Variants in IKZF1 observed in about 807,000 individuals in gnomAD.
IKZF1 encodes the protein IKAROS family zinc finger 1, also known as DNA-binding protein Ikaros.
A neutral mutation model predicts 51.7 loss-of-function variants in IKZF1; 10 were observed. The ratio of observed to expected loss-of-function variants is 0.19; its 90% CI spans 0.12 to 0.33. The LOEUF is 0.33. IKZF1 is among the 10% of genes least tolerant of loss of function. IKZF1 has a pLI of 1.00. For missense variants in IKZF1, 484 were observed against 707.5 expected (o/e 0.68, Z 3.58); for synonymous variants, 280 against 282.3 (o/e 0.99, Z 0.08).
At position 50,400,789 on chromosome 7, in the gene IKZF1, G is replaced by T; in HGVS notation, c.*162G>T. 1 of 915,140 alleles carries T rather than the reference G, an allele frequency of 1.1e-6. No homozygotes were observed. Among genetic ancestry groups the T allele is most frequent in the Non-Finnish European group, 1.6e-6 (1 of 622,866 alleles). 56.7% of individuals were successfully genotyped at this position (915,140 alleles called of 1,614,324 possible). A position where few individuals can be genotyped will look rare whatever the true frequency, so the allele number is the denominator to read the frequency against. ...TTTTTTGTTTGAGTTGGTTGATTGG[G>T]GTTTGATTTGCTTTTGAAAAGATTT... On this transcript the variant is annotated 3_prime_UTR_variant, in exon 8 of 8. Transcript: ENST00000331340. The surrounding 1 kb of genome is among the most constrained non-coding windows in gnomAD (Gnocchi z 5.4).
chr7:50,386,743 A>G (rs1208904407), intron 5 of IKZF1, among the ~76,000 whole-genome samples: 2 of 152,174 alleles, frequency 1.3e-5, no homozygotes, highest in Admixed American at 6.5e-5. Context: ...TTTGTATTAT[A>G]TAATGCAAAT....
intron 3 of IKZF1, among the ~76,000 whole-genome samples, chr7:50,329,316 G>C (rs1795902332): frequency 6.6e-6 from 1 of 151,892 alleles, no homozygotes; most frequent in Admixed American, 6.6e-5. Context: ...AAAGTAGAGG[G>C]GAAGAGAAAT....
intron 1 of IKZF1, among the ~76,000 whole-genome samples, chr7:50,318,207 T>G (rs1408777490): frequency 6.6e-6 from 1 of 152,210 alleles, no homozygotes; most frequent in Non-Finnish European, 1.5e-5. Flanking sequence ...ATGCTGGGGT[T>G]CTCTCCCTGG....
chr7:50,379,148 G>GC (rs1247137335), intron 4 of IKZF1, among the ~76,000 whole-genome samples: 1 of 152,188 alleles, frequency 6.6e-6, no homozygotes, highest in African/African-American at 2.4e-5. Context: ...TTCCTAACAA[G>GC]CTCCCAGCTT....
At chr7:50,368,010 A>G in intron 3 of IKZF1, 1 of 696,570 alleles carries the variant, frequency 1.4e-6, no homozygotes, top group Non-Finnish European at 2.6e-6. Context: ...TTGCAGTTAC[A>G]TATGGGGCTG....
chr7:50,387,216 A>C, intron 5 of IKZF1, 129 bp from the exon 6 acceptor site: 1 of 1,294,120 alleles, frequency 7.7e-7, no homozygotes, highest in Non-Finnish European at 1.0e-6. Flanking sequence ...CCAAGTCCGT[A>C]ACAGTTTTAG....
chr7:50,324,389 G>A (rs1398582228), intron 2 of IKZF1, among the ~76,000 whole-genome samples: 2 of 151,986 alleles, frequency 1.3e-5, no homozygotes. Context: ...GCCCTTGGTG[G>A]GCATGTGAAT....
At position 50,387,589 on chromosome 7, in the gene IKZF1, A is replaced by T. The variant is rs971234587; in HGVS notation, c.715+119A>T. On this transcript the variant is annotated intron_variant, in intron 6 of 7. Transcript: ENST00000331340. The stretch of plus-strand genomic sequence containing the variant: ...CTTGGGCCTGCTTCCTGCCGGGGCT[A>T]GGAGGGAGGGAAGTTTTTGGCCAAT... 49 of 1,380,606 alleles carry T rather than the reference A, an allele frequency of 3.5e-5. No homozygotes were observed. In the South Asian group the frequency reaches 6.9e-4, roughly 20 times the overall value. 85.5% of individuals were successfully genotyped at this position (1,380,606 alleles called of 1,614,324 possible).
chr7:50,337,822 G>T (rs1382969373), intron 3 of IKZF1, among the ~76,000 whole-genome samples: 1 of 152,172 alleles, frequency 6.6e-6, no homozygotes, highest in Non-Finnish European at 1.5e-5. Context: ...TTCTTTGGGT[G>T]AGACTGTCCC....
chr7:50,376,801 C>T lies in IKZF1; in HGVS notation c.421+8C>T. The T allele has an allele frequency of 6.2e-7, 1 of 1,612,582 alleles. No individual in the cohort carries two copies. The highest frequency in any genetic ancestry group is 1.1e-5 in the South Asian group (1 of 91,058). On this transcript the variant is annotated splice_region_variant and intron_variant, in intron 4 of 7. Transcript: ENST00000331340. The surrounding 1 kb of genome is among the most constrained non-coding windows in gnomAD (Gnocchi z 4.5). ...ACAAAAGAAGCCACACTGGTAAGGC[C>T]TGGCTCAGTTTTTCCTTTAGTGGCC...
At chr7:50,350,279 G>C (rs965558602) in intron 3 of IKZF1, among the ~76,000 whole-genome samples, 4 of 152,248 alleles carry the variant, frequency 2.6e-5, no homozygotes, top group Non-Finnish European at 1.5e-5. Context: ...CCCTCTTTGA[G>C]GTGGAGCCCA....
chr7:50,304,963 G>A (rs1788421773), intron 1 of IKZF1, 41 bp downstream of exon 1: 1 of 152,488 alleles, frequency 6.6e-6, no homozygotes, highest in Non-Finnish European at 1.5e-5. Flanking sequence ...AAAACTTGGG[G>A]TAACTGGTGA....
rs752898136 is a variant in IKZF1 at position 50,400,327 on chromosome 7, G to A, written c.1260G>A (p.Pro420=). Residue 420 remains proline, a synonymous_variant, in exon 8 of 8, where the codon CCG becomes CCA. Transcript: ENST00000331340. The surrounding 1 kb of genome is among the most constrained non-coding windows in gnomAD (Gnocchi z 5.4). ...GLIYLTNHIA[P]HARNGLSLKE... ...TCTACCTGACCAACCACATCGCCCC[G>A]CACGCGCGCAACGGGCTGTCGCTCA... 1.9e-6 allele frequency: 3 copies of A among 1,612,816 alleles called. No homozygotes were observed. The highest frequency in any genetic ancestry group is 2.5e-6 in the Non-Finnish European group (3 of 1,179,700).
chr7:50,350,567 T>TA (rs1464887967), intron 3 of IKZF1, among the ~76,000 whole-genome samples: 2 of 152,084 alleles, frequency 1.3e-5, no homozygotes, highest in Non-Finnish European at 2.9e-5. Flanking sequence ...TGAGTGAGGA[T>TA]AAATTGGGTT....
Position 50,404,761 on chromosome 7 carries a change from G to C in IKZF1, c.*4134G>C, listed in dbSNP as rs979107392. 8.3e-5 allele frequency: 19 copies of C among 229,796 alleles called. No individual in the cohort carries two copies. Among genetic ancestry groups the C allele is most frequent in the Non-Finnish European group, 1.6e-4 (18 of 115,960 alleles). The allele number at this position is 229,796 out of a possible 1,614,324, so 14.2% of individuals were successfully genotyped here. On this transcript the variant is annotated 3_prime_UTR_variant, in exon 8 of 8. Coordinates refer to ENST00000331340, the MANE Select transcript of IKZF1 (RefSeq NM_006060.6). ...TGCTTCAGTCATTCTGTGAGTGGCC[G>C]GGCCCAGGGCCCTCACAATTTCACT...
chr7:50,362,533 A>G (rs1805573022), intron 3 of IKZF1, among the ~76,000 whole-genome samples: 1 of 152,238 alleles, frequency 6.6e-6, no homozygotes, highest in Admixed American at 6.5e-5. Flanking sequence ...CTTTGTTGAC[A>G]AGAAGGTAGA....
intron 3 of IKZF1, among the ~76,000 whole-genome samples, chr7:50,351,864 C>T (rs115475674): frequency 0.01 from 1,581 of 152,168 alleles, 31 homozygotes; most frequent in African/African-American, 0.034. Context: ...AACAATTCCC[C>T]CCCGCCCCCA....
chr7:50,377,333 C>T (rs1186382253), intron 4 of IKZF1: 1 of 154,258 alleles, frequency 6.5e-6, no homozygotes, highest in Non-Finnish European at 1.4e-5. Flanking sequence ...TGCCCTCTAA[C>T]AGGAAAGACT....
rs949546651 is a variant in IKZF1 at position 50,327,620 on chromosome 7, C to A, written c.41-18C>A. 1.9e-6 allele frequency: 3 copies of A among 1,600,908 alleles called. No individual in the cohort carries two copies. Among genetic ancestry groups the A allele is most frequent in the African/African-American group, 2.7e-5 (2 of 74,408 alleles). Reference sequence around the variant, plus strand: ...TGACCATGACCGCCCGAGACTCACACTTCTTCTTTCTCATCAGGGAAGGAA... The same window carrying A: ...TGACCATGACCGCCCGAGACTCACAATTCTTCTTTCTCATCAGGGAAGGAA... On this transcript the variant is annotated intron_variant, in intron 2 of 7. Coordinates refer to ENST00000331340, the MANE Select transcript of IKZF1 (RefSeq NM_006060.6).
Sources: allele counts gnomAD v4.1 joint callset (sites outside exome capture counted in the v4.1 genomes callset), GRCh38; gene constraint gnomAD v4.1.1; non-coding constraint Gnocchi (gnomAD v3.1); transcripts MANE v1.5; gene names NCBI Gene and HGNC (gene_info 2026-07-23, HGNC 2026-07-21).